Variants in CRB1 observed in about 807,000 individuals in gnomAD.
The protein encoded by CRB1 is protein crumbs homolog 1.
In CRB1, 83 loss-of-function variants were observed where a neutral mutation model predicts 120.0. The observed-to-expected ratio is 0.69, with a 90% CI of 0.58 to 0.83. The LOEUF is 0.83. Among genes scored for constraint, CRB1 ranks in the 40% least tolerant of loss-of-function variants. The probability of loss-of-function intolerance (pLI) is 0.00; values close to 1 mark genes in which losing one functional copy is unlikely to be tolerated. For synonymous variants in CRB1, 625 were observed against 612.5 expected, an observed-to-expected ratio of 1.02 and a Z score of -0.30; for missense variants, 1,699 against 1,687.6, an observed-to-expected ratio of 1.01 and a Z score of -0.12.
At chr1:197,348,893 C>T (rs939730048) in intron 4 of CRB1, among the ~76,000 whole-genome samples, 115 of 138,026 alleles carry the variant, frequency 8.3e-4, no homozygotes, top group African/African-American at 3.9e-3. Flanking sequence ...TTCTAGTACA[C>T]TAAGGTTAGT....
At chr1:197,285,970 C>T (rs1655801127) in intron 1 of CRB1, among the ~76,000 whole-genome samples, 1 of 151,678 alleles carries the variant, frequency 6.6e-6, no homozygotes. Context: ...TGTGTGTGCT[C>T]TCAAGACTTA....
At chr1:197,238,067 G>A in the CRB1 span, among the ~76,000 whole-genome samples, 1 of 152,010 alleles carries the variant, frequency 6.6e-6, no homozygotes, top group Non-Finnish European at 1.5e-5. Context: ...TGAGTTTAAT[G>A]TGCTTTTAAA....
At position 197,429,480 on chromosome 1, in the gene CRB1, A is replaced by T. The variant is rs1468516605; in HGVS notation, c.2708A>T (p.His903Leu). Residue 903 changes from histidine to leucine, a missense_variant, in exon 8 of 12, where the codon CAT becomes CTT. His to Leu is a moderately conservative substitution (Grantham distance 99, BLOSUM62 -3). Transcript: ENST00000367400. ...SNPCHNGGVCHSRWDDFSCSC... is the reference protein window; with the variant it reads ...SNPCHNGGVCLSRWDDFSCSC... ...CCCTGTCACAATGGAGGTGTTTGCCATTCCCGGTGGGATGACTTCTCCTGT... is the reference window on the plus strand; with the variant it reads ...CCCTGTCACAATGGAGGTGTTTGCCTTTCCCGGTGGGATGACTTCTCCTGT... 15 of 1,613,670 alleles carry T rather than the reference A, an allele frequency of 9.3e-6. No homozygotes were observed. The highest frequency in any genetic ancestry group is 1.2e-5 in the Non-Finnish European group (14 of 1,179,880).
intron 5 of CRB1, among the ~76,000 whole-genome samples, chr1:197,411,924 A>G (rs1211519793): frequency 6.6e-6 from 1 of 152,176 alleles, no homozygotes; most frequent in Non-Finnish European, 1.5e-5. Context: ...CCCTCCTCCA[A>G]GCCCTCTAAA....
At chr1:197,218,187 G>T in the CRB1 span, among the ~76,000 whole-genome samples, 2 of 152,156 alleles carry the variant, frequency 1.3e-5, no homozygotes, top group African/African-American at 2.4e-5. Context: ...TGCCACCTAT[G>T]CCGGGCAAGG....
At chr1:197,336,214 C>T (rs1659147694) in intron 2 of CRB1, among the ~76,000 whole-genome samples, 3 of 152,346 alleles carry the variant, frequency 2.0e-5, no homozygotes, top group Middle Eastern at 3.4e-3. Flanking sequence ...TATGATGTAA[C>T]TGACACTGCC....
At chr1:197,314,204 T>G (rs1192410242) in intron 1 of CRB1, among the ~76,000 whole-genome samples, 1 of 152,184 alleles carries the variant, frequency 6.6e-6, no homozygotes, top group Admixed American at 6.5e-5. Flanking sequence ...CTCTCTGCAG[T>G]TTTTTGAAAT....
the CRB1 span, among the ~76,000 whole-genome samples, chr1:197,205,203 C>T: frequency 6.6e-6 from 1 of 152,142 alleles, no homozygotes; most frequent in Non-Finnish European, 1.5e-5. Flanking sequence ...CATCAGCAAG[C>T]AGCAACAGTT....
chr1:197,414,645 T>C (rs1282662931), intron 5 of CRB1, among the ~76,000 whole-genome samples: 1 of 152,152 alleles, frequency 6.6e-6, no homozygotes, highest in African/African-American at 2.4e-5. Flanking sequence ...CTATAAATAA[T>C]TGCACATAAA....
In CRB1 at chr1:197,435,271, C is replaced by A. The variant is rs2125500386; in HGVS notation, c.3408C>A (p.Gly1136=). 14 of 1,613,870 alleles carry A rather than the reference C, an allele frequency of 8.7e-6. No individual in the cohort carries two copies. The highest frequency in any genetic ancestry group is 1.2e-5 in the Non-Finnish European group (14 of 1,179,838). The change falls in exon 9 of 12, where the codon GGC becomes GGA. Residue 1136 remains glycine (G), a synonymous_variant. Transcript: ENST00000367400. The part of the protein sequence containing the change: ...LKISTNSVVT[G]CLQLNVCNSN... ...TCTCTACCAATTCAGTGGTCACTGG[C>A]TGTTTGCAGTTAAATGTCTGCAACT...
At chr1:197,219,642 C>A in the CRB1 span, among the ~76,000 whole-genome samples, 1 of 152,240 alleles carries the variant, frequency 6.6e-6, no homozygotes, top group African/African-American at 2.4e-5. Flanking sequence ...ATTTCAAATG[C>A]AAATATCCTC....
intron 9 of CRB1, among the ~76,000 whole-genome samples, chr1:197,436,526 A>T (rs1241675108): frequency 3.3e-5 from 5 of 152,174 alleles, no homozygotes; most frequent in African/African-American, 4.8e-5. Context: ...ACATGTTTTA[A>T]TTATTCTGTC....
At chr1:197,302,039 T>C (rs1365249522) in intron 1 of CRB1, among the ~76,000 whole-genome samples, 1 of 152,184 alleles carries the variant, frequency 6.6e-6, no homozygotes, top group East Asian at 1.9e-4. Flanking sequence ...GAAGTTCTAT[T>C]GTGGTTAAAA....
At chr1:197,416,646 G>C (rs1223551482) in intron 5 of CRB1, among the ~76,000 whole-genome samples, 1 of 152,096 alleles carries the variant, frequency 6.6e-6, no homozygotes. Flanking sequence ...AGATGTTAAA[G>C]TAAATACAGA....
At chr1:197,408,101 T>C (rs569347858) in intron 5 of CRB1, among the ~76,000 whole-genome samples, 2 of 152,186 alleles carry the variant, frequency 1.3e-5, no homozygotes, top group South Asian at 4.2e-4. Context: ...ACCATGCAGT[T>C]GAGGAAAGTA....
the CRB1 span, among the ~76,000 whole-genome samples, chr1:197,210,308 A>C: frequency 1.3e-5 from 2 of 152,330 alleles, no homozygotes; most frequent in East Asian, 1.9e-4. Context: ...CAGGCAAATA[A>C]GTAGACTTTG....
rs765700280 is a variant in CRB1 at position 197,435,398 on chromosome 1, G to T, written c.3535G>T (p.Asp1179Tyr). Residue 1179 changes from aspartate (D) to tyrosine (Y), a missense_variant, in exon 9 of 12, where the codon GAT (aspartate) becomes TAT (tyrosine). Physicochemically the swap from Asp to Tyr is radical, Grantham distance 160 (BLOSUM62 -3). Coordinates refer to ENST00000367400, the MANE Select transcript of CRB1 (RefSeq NM_201253.3). ...WSGKHCELNIDECFSNPCIHG... is the reference protein window; with the variant it reads ...WSGKHCELNIYECFSNPCIHG... ...AGGGAAACACTGTGAACTCAACATC[G>T]ATGAATGCTTTTCAAACCCCTGTAT... 2 of 1,606,856 alleles carry T rather than the reference G, an allele frequency of 1.2e-6. No individual in the cohort carries two copies. The highest frequency in any genetic ancestry group is 8.5e-7 in the Non-Finnish European group (1 of 1,175,874).
At position 197,421,488 on chromosome 1, in the gene CRB1, G is replaced by A. The variant is rs772386716; in HGVS notation, c.1660G>A (p.Val554Met). Reference sequence around the variant, plus strand: ...AATTCAGGTCAATAATCAGTCAAAGGTGCTTCTGTTCATTTCCCACAACAC... The same window carrying A: ...AATTCAGGTCAATAATCAGTCAAAGATGCTTCTGTTCATTTCCCACAACAC... ...LSIQVNNQSK[V>M]LLFISHNTSD... Residue 554 changes from valine (V) to methionine (M), a missense_variant, in exon 6 of 12, where the codon GTG becomes ATG. Coordinates refer to ENST00000367400, the MANE Select transcript of CRB1 (RefSeq NM_201253.3). The A allele has an allele frequency of 6.2e-7, 1 of 1,614,226 alleles. No homozygotes were observed. The highest frequency in any genetic ancestry group is 1.1e-5 in the South Asian group (1 of 91,086).
chr1:197,357,983 C>A (rs913016960), intron 5 of CRB1: 15 of 152,328 alleles, frequency 9.8e-5, no homozygotes, highest in African/African-American at 3.6e-4. Flanking sequence ...CAACTTCTAT[C>A]ATGCATGCTT....
Sources: gnomAD v4.1 joint callset for allele counts (sites outside exome capture counted in the v4.1 genomes callset) on GRCh38, gnomAD v4.1.1 for gene constraint, MANE v1.5 for transcripts, NCBI Gene and HGNC (gene_info 2026-07-23, HGNC 2026-07-21) for gene names.